ENTPD5: variants seen among roughly 807,000 people sequenced by gnomAD.
ENTPD5 encodes nucleoside diphosphate phosphatase ENTPD5.
A neutral mutation model predicts 60.2 loss-of-function variants in ENTPD5; 49 were observed. The observed-to-expected ratio is 0.81, with a 90% CI of 0.65 to 1.03. The LOEUF (loss-of-function observed/expected upper bound fraction) is 1.03. Among genes scored for constraint, ENTPD5 ranks in the 50% least tolerant of loss-of-function variants. The pLI, the probability that ENTPD5 is intolerant of heterozygous loss-of-function variation, is 0.00. For synonymous variants in ENTPD5, 187 were observed against 185.4 expected (o/e 1.01, Z -0.07); for missense variants, 480 against 507.6 (o/e 0.95, Z 0.52).
chr14:73,999,652 C>T (rs1035628960), intron 3 of ENTPD5, among the ~76,000 whole-genome samples: 7 of 150,930 alleles, frequency 4.6e-5, no homozygotes, highest in South Asian at 2.1e-4. Context: ...ATTAGCCAGG[C>T]GCAGTGGCGC....
chr14:73,961,514 A>G (rs1465024429), downstream of ENTPD5: 2 of 1,614,010 alleles, frequency 1.2e-6, no homozygotes, highest in African/African-American at 1.3e-5. Context: ...GGCTTTGGGG[A>G]TATCTCCAGC....
intron 3 of ENTPD5, among the ~76,000 whole-genome samples, chr14:74,001,632 C>T (rs28414179): frequency 0.12 from 15,564 of 130,390 alleles, 924 homozygotes; most frequent in African/African-American, 0.17. Context: ...CATGCCACTA[C>T]ACTCCAGCCT....
chr14:74,014,979 G>C (rs750827939), intron 2 of ENTPD5, among the ~76,000 whole-genome samples: 4 of 151,938 alleles, frequency 2.6e-5, no homozygotes, highest in Non-Finnish European at 5.9e-5. Context: ...CTACTCGGGA[G>C]GCTGAGGCAG....
chr14:73,991,625 A>AAAAAAAAAG (rs56259684), intron 3 of ENTPD5, among the ~76,000 whole-genome samples: 3 of 127,966 alleles, frequency 2.3e-5, no homozygotes, highest in Non-Finnish European at 3.3e-5. Flanking sequence ...AAAAAAAAAA[A>AAAAAAAAAG]ACAATTAGGG....
downstream of ENTPD5, chr14:73,955,891 C>A: frequency 6.2e-7 from 1 of 1,614,140 alleles, no homozygotes; most frequent in Non-Finnish European, 8.5e-7. Flanking sequence ...ATGATGTCAT[C>A]ATGCATGCTC....
rs1487995468 is a variant in ENTPD5, at chr14:73,965,194, A to G, written c.*1734T>C. On this transcript the variant is annotated 3_prime_UTR_variant, in exon 16 of 16. Coordinates refer to ENST00000334696, the MANE Select transcript of ENTPD5 (RefSeq NM_001249.5). ...CAGATGGTAAATATTTATTGACTCA[A>G]TGGAGTAATGTTAAAAATAAGGTTT... 1 of 152,192 alleles carries G rather than the reference A, an allele frequency of 6.6e-6. No homozygotes were observed. The highest frequency in any genetic ancestry group is 2.4e-5 in the African/African-American group (1 of 41,448). 9.4% of individuals were successfully genotyped at this position (152,192 alleles called of 1,614,324 possible).
chr14:73,970,956 G>A (rs2057197786), intron 14 of ENTPD5, among the ~76,000 whole-genome samples: 1 of 151,904 alleles, frequency 6.6e-6, no homozygotes, highest in Non-Finnish European at 1.5e-5. Context: ...CTCCCAAGTA[G>A]CTGAGACTAC....
intron 3 of ENTPD5, among the ~76,000 whole-genome samples, chr14:73,988,753 T>C (rs2058010385): frequency 6.6e-6 from 1 of 152,234 alleles, no homozygotes; most frequent in South Asian, 2.1e-4. Context: ...CTCCCATATA[T>C]GAGTGAGAAC....
At chr14:73,983,896 G>A (rs2057796467) in intron 5 of ENTPD5, among the ~76,000 whole-genome samples, 1 of 151,788 alleles carries the variant, frequency 6.6e-6, no homozygotes, top group African/African-American at 2.4e-5. Flanking sequence ...TCACCATCTT[G>A]GCCAGGCTGG....
chr14:73,987,786 T>C (rs577856426), intron 4 of ENTPD5, 100 bp downstream of exon 4: 117 of 1,071,484 alleles, frequency 1.1e-4, no homozygotes, highest in Non-Finnish European at 1.4e-4. Flanking sequence ...AGGTGTGAGA[T>C]TCTGTAATTC....
chr14:73,961,399 C>T, downstream of ENTPD5: 1 of 1,613,846 alleles, frequency 6.2e-7, no homozygotes, highest in Non-Finnish European at 8.5e-7. Context: ...AGAGCAGGGC[C>T]ACTCCCTTCT....
intron 3 of ENTPD5, among the ~76,000 whole-genome samples, chr14:73,991,609 A>C (rs1207550138): frequency 2.0e-5 from 1 of 50,864 alleles, no homozygotes; most frequent in Non-Finnish European, 5.2e-5. Flanking sequence ...AACAATAACC[A>C]AAAAAAAAAA....
intron 6 of ENTPD5, among the ~76,000 whole-genome samples, chr14:73,979,943 ATTTTTT>A (rs554438546): frequency 7.8e-6 from 1 of 127,568 alleles, no homozygotes. Flanking sequence ...TTTTGCCATG[ATTTTTT>A]TTTTTTTTTT....
intron 15 of ENTPD5, among the ~76,000 whole-genome samples, chr14:73,967,992 C>T (rs1457694906): frequency 2.6e-5 from 4 of 151,672 alleles, no homozygotes; most frequent in African/African-American, 7.3e-5. Flanking sequence ...GGCATGGTGG[C>T]GCATGCCTGT....
In ENTPD5 at chr14:73,987,936, C is replaced by T; in HGVS notation, c.167G>A (p.Gly56Glu). ...STLYGIMFDA[G>E]STGTRIHVYT... ...AACATGAATTCGAGTTCCAGTGCTCCCTGCATCAAACATAATTCCATACAA... is the reference window on the plus strand; with the variant it reads ...AACATGAATTCGAGTTCCAGTGCTCTCTGCATCAAACATAATTCCATACAA... The change falls in exon 4 of 16, where the codon GGG (glycine) becomes GAG (glutamate). Residue 56 changes from glycine to glutamate, a missense_variant. By Grantham distance (98) the Gly-to-Glu change is moderately conservative. Coordinates refer to ENST00000334696, the MANE Select transcript of ENTPD5 (RefSeq NM_001249.5). The T allele has an allele frequency of 6.2e-7, 1 of 1,614,124 alleles. No individual in the cohort carries two copies. Among genetic ancestry groups the T allele is most frequent in the Non-Finnish European group, 8.5e-7 (1 of 1,180,028 alleles).
chr14:73,989,590 T>A (rs923780804), intron 3 of ENTPD5, among the ~76,000 whole-genome samples: 14 of 151,338 alleles, frequency 9.3e-5, no homozygotes, highest in Non-Finnish European at 2.1e-4. Flanking sequence ...TCCCAGCACT[T>A]TGGGAGGCCG....
intron 4 of ENTPD5, among the ~76,000 whole-genome samples, chr14:73,987,647 C>T (rs1004287985): frequency 6.6e-6 from 1 of 151,332 alleles, no homozygotes; most frequent in Non-Finnish European, 1.5e-5. Flanking sequence ...CACTACAGAC[C>T]GGGCAACAAA....
chr14:73,977,227 C>A, intron 7 of ENTPD5, 72 bp downstream of exon 7: 1 of 1,346,118 alleles, frequency 7.4e-7, no homozygotes, highest in South Asian at 1.2e-5. Context: ...TTCCTGGCCC[C>A]AGTTCCTTTA....
intron 1 of ENTPD5, among the ~76,000 whole-genome samples, chr14:74,018,178 A>AG (rs1434235174): frequency 8.0e-5 from 11 of 138,006 alleles, no homozygotes; most frequent in African/African-American, 1.6e-4. Context: ...ACTCTCTCTC[A>AG]GAAAAAAAAA....
Sources: allele counts gnomAD v4.1 joint callset (sites outside exome capture counted in the v4.1 genomes callset), GRCh38; gene constraint gnomAD v4.1.1; transcripts MANE v1.5; gene names NCBI Gene and HGNC (gene_info 2026-07-23, HGNC 2026-07-21).